TDRP: variants seen among roughly 807,000 people sequenced by gnomAD.
The protein encoded by TDRP is testis development related protein, also known as testis development-related protein.
A neutral mutation model predicts 10.5 loss-of-function variants in TDRP; 12 were observed. The ratio of observed to expected loss-of-function variants is 1.15; its 90% CI spans 0.73 to 1.86. The LOEUF is 1.86. Among genes scored for constraint, TDRP ranks in the 40% most tolerant of loss-of-function variants. The pLI, the probability that TDRP is intolerant of heterozygous loss-of-function variation, is 0.00. For missense variants in TDRP, 353 were observed against 229.2 expected (o/e 1.54, Z -3.49); for synonymous variants, 139 against 95.4 (o/e 1.46, Z -2.67).
chr8:500,128 G>T (rs1801246344), intron 1 of TDRP, among the ~76,000 whole-genome samples: 1 of 152,164 alleles, frequency 6.6e-6, no homozygotes, highest in Non-Finnish European at 1.5e-5. Flanking sequence ...AAGAAGTTAG[G>T]CCACAGAAAT....
rs539313591 is a variant in TDRP, at chr8:519,072, G to C, written c.109-24475C>G. ...CCCACCTCCTCCTCTGACCTCCAAA[G>C]AGAGAAGGAGGGCTAGAGATTGAAT... is the stretch of plus-strand genomic sequence containing the variant. On this transcript the variant is annotated intron_variant, in intron 1 of 2. Coordinates refer to ENST00000324079, the MANE Select transcript of TDRP (RefSeq NM_001384899.1). Among the ~76,000 whole-genome samples the C allele has an allele frequency of 2.1e-3, 245 of 116,898 alleles. 1 individual carries two copies. Among genetic ancestry groups the C allele is most frequent in the African/African-American group, 6.5e-3 (239 of 36,610 alleles). The allele number at this position is 116,898 out of a possible 152,430, so 76.7% of individuals were successfully genotyped here.
intron 1 of TDRP, among the ~76,000 whole-genome samples, chr8:499,105 A>C (rs1801215670): frequency 6.6e-6 from 1 of 152,246 alleles, no homozygotes; most frequent in Non-Finnish European, 1.5e-5. Flanking sequence ...TGGTATCATA[A>C]GGAAAATCAA....
intron 1 of TDRP, among the ~76,000 whole-genome samples, chr8:499,883 A>G (rs1009259508): frequency 1.3e-5 from 2 of 152,202 alleles, no homozygotes; most frequent in Non-Finnish European, 2.9e-5. Flanking sequence ...ACAAAATCTT[A>G]GGTGGCGACA....
intron 1 of TDRP, among the ~76,000 whole-genome samples, chr8:530,624 A>C (rs34950826): frequency 0.19 from 29,336 of 151,954 alleles, 3,033 homozygotes; most frequent in African/African-American, 0.27. Flanking sequence ...GTTTCTTTTC[A>C]GTTGCTTGTA....
intron 1 of TDRP, among the ~76,000 whole-genome samples, chr8:525,709 G>T (rs1802017939): frequency 6.6e-6 from 1 of 151,914 alleles, no homozygotes; most frequent in Admixed American, 6.6e-5. Context: ...AAAATAAAAA[G>T]AAATTAAAAC....
At chr8:528,800 T>C (rs914143062) in intron 1 of TDRP, among the ~76,000 whole-genome samples, 4 of 152,164 alleles carry the variant, frequency 2.6e-5, no homozygotes, top group Non-Finnish European at 5.9e-5. Context: ...TTTATTTATA[T>C]ATAACTATGT....
At chr8:498,872 T>C (rs547027451) in intron 1 of TDRP, among the ~76,000 whole-genome samples, 2 of 137,400 alleles carry the variant, frequency 1.5e-5, no homozygotes, top group African/African-American at 6.4e-5. Flanking sequence ...TAAAAGTGTG[T>C]GGCACCTCCC....
intron 1 of TDRP, 83 bp from the exon 2 acceptor site, chr8:494,680 G>C (rs1801079887): frequency 8.0e-7 from 1 of 1,246,260 alleles, no homozygotes; most frequent in Admixed American, 2.0e-5. Flanking sequence ...CCATGGAGTT[G>C]AAATTTAGAA....
chr8:520,229 T>C (rs991366249), intron 1 of TDRP, among the ~76,000 whole-genome samples: 2 of 152,258 alleles, frequency 1.3e-5, no homozygotes, highest in Non-Finnish European at 2.9e-5. Context: ...GCCTCGCTTA[T>C]TTCATGAAGC....
At chr8:521,452 T>C (rs1457370677) in intron 1 of TDRP, among the ~76,000 whole-genome samples, 2 of 152,110 alleles carry the variant, frequency 1.3e-5, no homozygotes, top group Non-Finnish European at 2.9e-5. Flanking sequence ...ATTTTTTGCA[T>C]GTGAATATCC....
chr8:504,875 G>T (rs1385813007), intron 1 of TDRP, among the ~76,000 whole-genome samples: 1 of 152,098 alleles, frequency 6.6e-6, no homozygotes, highest in Non-Finnish European at 1.5e-5. Context: ...CCCATGAGAG[G>T]CATTATTAAT....
chr8:502,230 T>G (rs2116741495), intron 1 of TDRP, among the ~76,000 whole-genome samples: 1 of 152,354 alleles, frequency 6.6e-6, no homozygotes, highest in Non-Finnish European at 1.5e-5. Flanking sequence ...CACAGTGAAC[T>G]TATCTTTAAA....
Position 544,832 on chromosome 8 carries a change from T to C in TDRP, c.-75A>G, listed in dbSNP as rs975687229. ...CGCGTCCCTCCCGGCCGCCGGACGC[T>C]CTGCCTGCGGCTCCTGCGGGACGCG... On this transcript the variant is annotated 5_prime_UTR_variant, in exon 1 of 3. Transcript: ENST00000324079. 1 of 1,090,302 alleles carries C rather than the reference T, an allele frequency of 9.2e-7. No individual in the cohort carries two copies. Among genetic ancestry groups the C allele is most frequent in the Non-Finnish European group, 1.2e-6 (1 of 862,156 alleles). 67.5% of individuals were successfully genotyped at this position (1,090,302 alleles called of 1,614,324 possible).
At chr8:511,646 TTC>T (rs1374472369) in intron 1 of TDRP, among the ~76,000 whole-genome samples, 14 of 152,200 alleles carry the variant, frequency 9.2e-5, no homozygotes, top group Admixed American at 9.2e-4. Flanking sequence ...ATGTACATTC[TTC>T]TCAAGTGCAA....
chr8:528,519 T>C (rs1209186061), intron 1 of TDRP, among the ~76,000 whole-genome samples: 1 of 149,846 alleles, frequency 6.7e-6, no homozygotes. Context: ...TAAGTATCCA[T>C]CAACATCAAC....
At chr8:526,004 A>T (rs1584876407) in intron 1 of TDRP, among the ~76,000 whole-genome samples, 1 of 151,924 alleles carries the variant, frequency 6.6e-6, no homozygotes, top group East Asian at 1.9e-4. Flanking sequence ...CAGGTTTTGG[A>T]TTTCTTCATG....
At chr8:511,708 G>A (rs1278864154) in intron 1 of TDRP, among the ~76,000 whole-genome samples, 1 of 152,100 alleles carries the variant, frequency 6.6e-6, no homozygotes, top group Non-Finnish European at 1.5e-5. Flanking sequence ...AAACAAACCT[G>A]GATATATTTA....
At chr8:526,775 C>G (rs544777898) in intron 1 of TDRP, among the ~76,000 whole-genome samples, 3 of 152,286 alleles carry the variant, frequency 2.0e-5, no homozygotes, top group Admixed American at 2.0e-4. Flanking sequence ...AAATGAAATC[C>G]TTTCCTCTCA....
At chr8:497,092 C>T (rs142325542) in intron 1 of TDRP, among the ~76,000 whole-genome samples, 101 of 152,184 alleles carry the variant, frequency 6.6e-4, no homozygotes, top group African/African-American at 2.3e-3. Context: ...GAGAGGAGTG[C>T]GGTACTGCTA....
Sources: gnomAD v4.1 joint callset for allele counts (sites outside exome capture counted in the v4.1 genomes callset) on GRCh38, gnomAD v4.1.1 for gene constraint, MANE v1.5 for transcripts, NCBI Gene and HGNC (gene_info 2026-07-23, HGNC 2026-07-21) for gene names.